Variants in MAML3 observed in about 807,000 individuals in gnomAD.
The protein encoded by MAML3 is mastermind-like protein 3.
In MAML3, 27 loss-of-function variants were observed where a neutral mutation model predicts 101.9. The ratio of observed to expected loss-of-function variants is 0.27; its 90% confidence interval spans 0.20 to 0.37. The LOEUF is 0.37. Among genes scored for constraint, MAML3 ranks in the 10% least tolerant of loss-of-function variants. The probability of loss-of-function intolerance (pLI) is 1.00; values close to 1 mark genes in which losing one functional copy is unlikely to be tolerated. For synonymous variants in MAML3, 501 were observed against 555.9 expected (o/e 0.90, Z 1.39); for missense variants, 1,316 against 1,444.9 (o/e 0.91, Z 1.45).
intron 1 of MAML3, among the ~76,000 whole-genome samples, chr4:140,119,705 T>C (rs1728574309): frequency 6.8e-6 from 1 of 146,194 alleles, no homozygotes; most frequent in African/African-American, 2.5e-5. Flanking sequence ...CACTGCAGCC[T>C]CCAACTGCTG....
intron 1 of MAML3, among the ~76,000 whole-genome samples, chr4:140,066,990 T>G (rs1175978875): frequency 6.6e-6 from 1 of 152,206 alleles, no homozygotes; most frequent in Non-Finnish European, 1.5e-5. Flanking sequence ...TGTAAATGGG[T>G]TAGGGCCAGC....
chr4:139,982,593 A>G (rs1413663822), intron 1 of MAML3, among the ~76,000 whole-genome samples: 1 of 152,196 alleles, frequency 6.6e-6, no homozygotes, highest in Non-Finnish European at 1.5e-5. Context: ...ACTTTTTACC[A>G]TATAGATACT....
At chr4:140,014,102 T>C (rs1055499031) in intron 1 of MAML3, among the ~76,000 whole-genome samples, 1 of 152,218 alleles carries the variant, frequency 6.6e-6, no homozygotes, top group Admixed American at 6.5e-5. Flanking sequence ...GCCTTATATA[T>C]TTCACAACTT....
At position 139,722,714 on chromosome 4, in the gene MAML3, C is replaced by G. The variant is rs528298156; in HGVS notation, c.2417-2391G>C. Among the ~76,000 whole-genome samples the G allele has an allele frequency of 2.0e-5, 3 of 152,286 alleles. No homozygotes were observed. The East Asian group carries it at 5.8e-4, about 29-fold the overall frequency. ...GATCCAGAACCTAATGAGGGAAAGACAGTCATTAAGACCTTTGAAATGTAT... is the reference window on the plus strand; with the variant it reads ...GATCCAGAACCTAATGAGGGAAAGAGAGTCATTAAGACCTTTGAAATGTAT... On this transcript the variant is annotated intron_variant, in intron 4 of 4. Coordinates refer to ENST00000509479, the MANE Select transcript of MAML3 (RefSeq NM_018717.5).
intron 2 of MAML3, among the ~76,000 whole-genome samples, chr4:139,758,757 T>G (rs1049384720): frequency 6.6e-6 from 1 of 152,228 alleles, no homozygotes; most frequent in Non-Finnish European, 1.5e-5. Context: ...TTGTCTCTTC[T>G]CCAAATTCCC....
In MAML3 at chr4:139,864,923, C is replaced by CTTGTTTTTTTTTT. The variant is rs56928318; in HGVS notation, c.2079+24433_2079+24434insAAAAAAAAAACAA. ...TTAGGAAAATAGTAATGCAAACTTG[C>CTTGTTTTTTTTTT]TTTTTTTTTTTTTTTTTTTTTTTTT... On this transcript the variant is annotated intron_variant, in intron 2 of 4. Coordinates refer to ENST00000509479, the MANE Select transcript of MAML3 (RefSeq NM_018717.5). Among the ~76,000 whole-genome samples, 19 of 62,454 alleles carry CTTGTTTTTTTTTT rather than the reference C, an allele frequency of 3.0e-4. 9 individuals are homozygous for CTTGTTTTTTTTTT. The highest frequency in any genetic ancestry group is 5.9e-4 in the African/African-American group (10 of 17,052). 41.0% of individuals were successfully genotyped at this position (62,454 alleles called of 152,430 possible).
At chr4:139,968,119 A>G (rs949989353) in intron 1 of MAML3, among the ~76,000 whole-genome samples, 91 of 152,064 alleles carry the variant, frequency 6.0e-4, no homozygotes, top group African/African-American at 2.1e-3. Flanking sequence ...TCTCTACTAA[A>G]AATACAAAAA....
intron 2 of MAML3, among the ~76,000 whole-genome samples, chr4:139,812,842 A>G (rs564672330): frequency 6.6e-6 from 1 of 152,302 alleles, no homozygotes; most frequent in East Asian, 1.9e-4. Flanking sequence ...ACAGGTAAAG[A>G]TTGCCACACA....
At chr4:140,128,599 G>A (rs1179527433) in intron 1 of MAML3, among the ~76,000 whole-genome samples, 1 of 152,122 alleles carries the variant, frequency 6.6e-6, no homozygotes, top group Non-Finnish European at 1.5e-5. Context: ...AAAGCACTCT[G>A]TGTGTCAAAA....
At chr4:139,971,326 G>A (rs928923708) in intron 1 of MAML3, among the ~76,000 whole-genome samples, 2 of 152,144 alleles carry the variant, frequency 1.3e-5, no homozygotes, top group African/African-American at 4.8e-5. Flanking sequence ...GTGTCCAAAG[G>A]ACTCTCTTTA....
At chr4:139,721,778 G>A (rs181187047) in intron 4 of MAML3, among the ~76,000 whole-genome samples, 1 of 152,220 alleles carries the variant, frequency 6.6e-6, no homozygotes, top group Admixed American at 6.5e-5. Flanking sequence ...ATTTTTTTAA[G>A]CTTCATTATA....
chr4:139,809,176 T>C (rs1258952693), intron 2 of MAML3, among the ~76,000 whole-genome samples: 1 of 152,228 alleles, frequency 6.6e-6, no homozygotes, highest in Non-Finnish European at 1.5e-5. Context: ...TTGTTTTCCC[T>C]GTGAAAGAGC....
chr4:140,010,527 T>A (rs1726532492), intron 1 of MAML3, among the ~76,000 whole-genome samples: 2 of 152,240 alleles, frequency 1.3e-5, no homozygotes, highest in South Asian at 4.1e-4. Flanking sequence ...CAAGAAGTTT[T>A]ATTTAAAGAA....
At chr4:139,908,427 A>G (rs1279362162) in intron 1 of MAML3, among the ~76,000 whole-genome samples, 1 of 152,240 alleles carries the variant, frequency 6.6e-6, no homozygotes, top group Non-Finnish European at 1.5e-5. Flanking sequence ...GTACAATAAA[A>G]GCTTACTGTG....
In MAML3 at chr4:140,075,799, C is replaced by T. The variant is rs76429807; in HGVS notation, c.468+77061G>A. ...GGAGGGGGACAGGGTCTCTCTCTGT[C>T]GCCCAGGCTGGAGTGCAGTGGTATG... On this transcript the variant is annotated intron_variant, in intron 1 of 4. Coordinates refer to ENST00000509479, the MANE Select transcript of MAML3 (RefSeq NM_018717.5). Among the ~76,000 whole-genome samples, 154 of 151,742 alleles carry T rather than the reference C, an allele frequency of 1.0e-3. 2 individuals are homozygous for T. In the East Asian group the frequency reaches 0.027, roughly 27 times the overall value.
chr4:139,895,707 T>C (rs1181700098), intron 1 of MAML3, among the ~76,000 whole-genome samples: 1 of 152,228 alleles, frequency 6.6e-6, no homozygotes, highest in Admixed American at 6.5e-5. Context: ...GCATCTGATG[T>C]AGCTTTTTTA....
At chr4:139,750,347 AG>A (rs1729465559) in intron 2 of MAML3, among the ~76,000 whole-genome samples, 1 of 152,210 alleles carries the variant, frequency 6.6e-6, no homozygotes, top group Non-Finnish European at 1.5e-5. Context: ...AACCGATCAG[AG>A]GGAAAGAGAG....
rs142544173 is a variant in MAML3, at chr4:140,140,272, G to A, written c.468+12588C>T. On this transcript the variant is annotated intron_variant, in intron 1 of 4. Coordinates refer to ENST00000509479, the MANE Select transcript of MAML3 (RefSeq NM_018717.5). Reference sequence around the variant, plus strand: ...CCAGGAGGCAGAGGTTGTAGTGAGCGAAGACCGCACCACTGCACTCCAGCC... The same window carrying A: ...CCAGGAGGCAGAGGTTGTAGTGAGCAAAGACCGCACCACTGCACTCCAGCC... 5.7e-3 allele frequency among the ~76,000 whole-genome samples: 868 copies of A among 151,976 alleles called. 10 individuals carry two copies. Among genetic ancestry groups the A allele is most frequent in the African/African-American group, 0.02 (825 of 41,452 alleles).
chr4:140,013,848 C>T (rs1726602294), intron 1 of MAML3, among the ~76,000 whole-genome samples: 1 of 152,154 alleles, frequency 6.6e-6, no homozygotes, highest in Non-Finnish European at 1.5e-5. Context: ...TCCACAGTCC[C>T]CAATAGAGAA....
Sources: gnomAD v4.1 joint callset for allele counts (sites outside exome capture counted in the v4.1 genomes callset) on GRCh38, gnomAD v4.1.1 for gene constraint, MANE v1.5 for transcripts, NCBI Gene and HGNC (gene_info 2026-07-23, HGNC 2026-07-21) for gene names.